Variants in MROH1 observed in about 807,000 individuals in gnomAD.
MROH1 encodes the protein maestro heat-like repeat-containing protein family member 1.
MROH1 carries 117 observed loss-of-function variants against 116.5 expected under a neutral mutation model. That is an observed-to-expected ratio of 1.00 (90% CI 0.86 to 1.17). MROH1 has a LOEUF of 1.17. MROH1 is among the 50% of genes most tolerant of loss of function. MROH1 has a pLI of 0.00. For synonymous variants in MROH1, 921 were observed against 583.9 expected (o/e 1.58, Z -8.32); for missense variants, 1,873 against 1,338.5 (o/e 1.40, Z -6.23).
chr8:144,184,432 G>A (rs1393114775), intron 7 of MROH1, among the ~76,000 whole-genome samples: 3 of 152,220 alleles, frequency 2.0e-5, no homozygotes, highest in Non-Finnish European at 4.4e-5. Context: ...ACAAAAAAAG[G>A]AGCATTAGAG....
chr8:144,173,726 G>A (rs1823104342), intron 4 of MROH1, among the ~76,000 whole-genome samples: 1 of 152,124 alleles, frequency 6.6e-6, no homozygotes, highest in Non-Finnish European at 1.5e-5. Context: ...CCCAGCCATA[G>A]GATTCTTCTT....
intron 4 of MROH1, among the ~76,000 whole-genome samples, chr8:144,169,724 C>A (rs1821963463): frequency 6.7e-6 from 1 of 150,048 alleles, no homozygotes; most frequent in Non-Finnish European, 1.5e-5. Flanking sequence ...CTCACTGCAA[C>A]CTCCACCTCC....
chr8:144,175,879 T>A (rs1823773813), intron 4 of MROH1, among the ~76,000 whole-genome samples: 1 of 151,518 alleles, frequency 6.6e-6, no homozygotes, highest in Non-Finnish European at 1.5e-5. Context: ...TGAAACCCTG[T>A]CTCTACTAAA....
rs1422616863 is a variant in MROH1, at chr8:144,180,422, C to A, written c.464-3C>A. On this transcript the variant is annotated splice_region_variant and splice_polypyrimidine_tract_variant and intron_variant, in intron 6 of 43. Transcript: ENST00000326134. This position sits in a 1 kb window ranked among gnomAD's most constrained non-coding sequence, Gnocchi z 7.4. Reference sequence around the variant, plus strand: ...AGGCCTTTGACGGTGTCCTCTCTCACAGCGTTCGGCGTAGTCCCCTTCCTG... The same window carrying A: ...AGGCCTTTGACGGTGTCCTCTCTCAAAGCGTTCGGCGTAGTCCCCTTCCTG... 3 of 1,613,070 alleles carry A rather than the reference C, an allele frequency of 1.9e-6. No individual in the cohort carries two copies. The highest frequency in any genetic ancestry group is 2.5e-6 in the Non-Finnish European group (3 of 1,179,780).
At position 144,254,964 on chromosome 8, in the gene MROH1, C is replaced by T. The variant is rs2133254541; in HGVS notation, c.3580C>T (p.Leu1194=). ...CCGCACCCCAGACCGCGTGGCCACG[C>T]TGCTGCCTCTCTCGGTGAGTCGGGC... is the stretch of plus-strand genomic sequence containing the variant. ...LGRTPDRVAT[L]LPLSATCALF... Residue 1194 remains leucine (L), a synonymous_variant, in exon 34 of 44, where the codon CTG becomes TTG. Transcript: ENST00000326134. 1.3e-6 allele frequency: 1 copy of T among 768,092 alleles called. No homozygotes were observed. The highest frequency in any genetic ancestry group is 2.4e-5 in the East Asian group (1 of 40,840). 47.6% of individuals were successfully genotyped at this position (768,092 alleles called of 1,614,324 possible). A position where few individuals can be genotyped will look rare whatever the true frequency, so the allele number is the denominator to read the frequency against.
At chr8:144,257,910 C>T (rs1333900062) in intron 35 of MROH1, among the ~76,000 whole-genome samples, 2 of 152,244 alleles carry the variant, frequency 1.3e-5, no homozygotes, top group Admixed American at 6.5e-5. Context: ...CGGAAAGCCA[C>T]ATGGCAGGGG....
chr8:144,194,792 C>T (rs1829430250), intron 10 of MROH1, among the ~76,000 whole-genome samples: 1 of 152,016 alleles, frequency 6.6e-6, no homozygotes, highest in East Asian at 1.9e-4. Flanking sequence ...TCTGTAATCC[C>T]AGCTATTCAG....
chr8:144,229,777 T>TA (rs1463340386), intron 14 of MROH1, among the ~76,000 whole-genome samples: 1 of 152,184 alleles, frequency 6.6e-6, no homozygotes, highest in African/African-American at 2.4e-5. Flanking sequence ...CTTATGCCTG[T>TA]AATCCCAGCA....
At chr8:144,157,199 G>T (rs1258610970) in intron 1 of MROH1, among the ~76,000 whole-genome samples, 1 of 151,800 alleles carries the variant, frequency 6.6e-6, no homozygotes, top group Non-Finnish European at 1.5e-5. Context: ...CTTATGATCC[G>T]CCTGCCTCAG....
intron 14 of MROH1, among the ~76,000 whole-genome samples, chr8:144,225,579 TCTCA>T (rs1279625954): frequency 6.6e-6 from 1 of 151,976 alleles, no homozygotes; most frequent in Non-Finnish European, 1.5e-5. Context: ...TGAGATGGAG[TCTCA>T]CTCTGTTGCC....
At chr8:144,239,288 GC>G (rs1288020417) in intron 16 of MROH1, 34 bp from the exon 17 acceptor site, 3 of 777,036 alleles carry the variant, frequency 3.9e-6, no homozygotes, top group Admixed American at 1.7e-5. Flanking sequence ...GCTACAGGCA[GC>G]CCCCCACTGA....
At chr8:144,166,202 C>G (rs890822321) in intron 3 of MROH1, among the ~76,000 whole-genome samples, 2 of 152,226 alleles carry the variant, frequency 1.3e-5, no homozygotes, top group African/African-American at 2.4e-5. Flanking sequence ...TTATAAGGCT[C>G]TGATCCCATC....
At chr8:144,188,433 G>GTGC (rs1329790169) in intron 7 of MROH1, among the ~76,000 whole-genome samples, 1 of 147,142 alleles carries the variant, frequency 6.8e-6, no homozygotes, top group East Asian at 2.0e-4. Flanking sequence ...CCTGGGTCAG[G>GTGC]TGCTACCACT....
intron 4 of MROH1, among the ~76,000 whole-genome samples, chr8:144,173,013 A>C (rs903178153): frequency 6.0e-5 from 9 of 149,830 alleles, no homozygotes; most frequent in African/African-American, 2.2e-4. Flanking sequence ...AAAGGGGCTT[A>C]TTATGTGTTT....
intron 1 of MROH1, among the ~76,000 whole-genome samples, chr8:144,150,495 C>G (rs1021073605): frequency 6.6e-6 from 1 of 152,246 alleles, no homozygotes; most frequent in South Asian, 2.1e-4. Context: ...TTGTTGGGGC[C>G]GTTCTTCAGG....
intron 4 of MROH1, among the ~76,000 whole-genome samples, chr8:144,176,536 G>GA (rs113841473): frequency 0.85 from 109,540 of 129,322 alleles, 48,311 homozygotes; most frequent in East Asian, 0.99. Flanking sequence ...CCCTGACTCA[G>GA]AAAAAAAAAA....
chr8:144,197,954 G>A (rs11777287), intron 10 of MROH1, among the ~76,000 whole-genome samples: 146,473 of 148,198 alleles, frequency 0.99, 72,402 homozygotes, highest in East Asian at 1. Flanking sequence ...CACACCTGAG[G>A]CTGAGAATTG....
chr8:144,180,597 A>T lies in MROH1; in HGVS notation c.562+74A>T. On this transcript the variant is annotated intron_variant, in intron 7 of 43. Coordinates refer to ENST00000326134, the MANE Select transcript of MROH1 (RefSeq NM_032450.3). The surrounding 1 kb of genome is among the most constrained non-coding windows in gnomAD (Gnocchi z 7.4). ...GGCTGTTCCCGGGCATGCCTGTTTT[A>T]GGGGGGACAGGTGGGCACTTTAGGC... is the stretch of plus-strand genomic sequence containing the variant. 1 of 1,332,826 alleles carries T rather than the reference A, an allele frequency of 7.5e-7. No homozygotes were observed. The highest frequency in any genetic ancestry group is 1.3e-5 in the South Asian group (1 of 79,494). The allele number at this position is 1,332,826 out of a possible 1,614,324, so 82.6% of individuals were successfully genotyped here. A position where few individuals can be genotyped will look rare whatever the true frequency, so the allele number is the denominator to read the frequency against.
At position 144,200,489 on chromosome 8, in the gene MROH1, G is replaced by C. The variant is rs1484542676; in HGVS notation, c.1089G>C (p.Glu363Asp). The change falls in exon 12 of 44, where the codon GAG becomes GAC. Residue 363 changes from glutamate to aspartate, a missense_variant. Transcript: ENST00000326134. Reference protein sequence around the residue: ...FLLPRLDTSNERTRVGTLQVV... With the variant: ...FLLPRLDTSNDRTRVGTLQVV... The stretch of plus-strand genomic sequence containing the variant: ...TGCCCAGGCTGGACACCAGCAATGA[G>C]AGGACCCGCGTGGGCACCCTGCAGG... 6.4e-7 allele frequency: 1 copy of C among 1,552,086 alleles called. No homozygotes were observed. Among genetic ancestry groups the C allele is most frequent in the Non-Finnish European group, 8.7e-7 (1 of 1,147,746 alleles).
Sources: gnomAD v4.1 joint callset for allele counts (sites outside exome capture counted in the v4.1 genomes callset) on GRCh38, gnomAD v4.1.1 for gene constraint, Gnocchi (gnomAD v3.1) non-coding constraint, MANE v1.5 for transcripts, NCBI Gene and HGNC (gene_info 2026-07-23, HGNC 2026-07-21) for gene names.